The following TOM1L2 variants were observed in gnomAD, a reference collection of about 807,000 sequenced individuals.
The protein encoded by TOM1L2 is TOM1-like protein 2.
TOM1L2 carries 31 observed loss-of-function variants against 67.9 expected under a neutral mutation model. The observed-to-expected ratio is 0.46, with a 90% CI of 0.34 to 0.62. TOM1L2 has a LOEUF of 0.62. TOM1L2 is among the 20% of genes least tolerant of loss of function. The pLI is 0.01. For synonymous variants in TOM1L2, 256 were observed against 254.0 expected (o/e 1.01, Z -0.07); for missense variants, 606 against 663.5 (o/e 0.91, Z 0.95).
At chr17:17,870,658 A>G (rs2143861006) in intron 7 of TOM1L2, among the ~76,000 whole-genome samples, 1 of 152,318 alleles carries the variant, frequency 6.6e-6, no homozygotes. Context: ...TAACTGATTT[A>G]TTCACAGGAG....
At chr17:17,900,049 T>C (rs759620108) in intron 2 of TOM1L2, among the ~76,000 whole-genome samples, 1 of 150,176 alleles carries the variant, frequency 6.7e-6, no homozygotes, top group Non-Finnish European at 1.5e-5. Context: ...CCGTCTTTAC[T>C]GAAATATACA....
chr17:17,906,661 G>T (rs2039112219), intron 2 of TOM1L2, among the ~76,000 whole-genome samples: 1 of 152,180 alleles, frequency 6.6e-6, no homozygotes, highest in Admixed American at 6.5e-5. Context: ...AGTCATTCGA[G>T]AAATATTTGT....
At chr17:17,887,561 C>A (rs961379935) in intron 4 of TOM1L2, among the ~76,000 whole-genome samples, 2 of 152,224 alleles carry the variant, frequency 1.3e-5, no homozygotes, top group African/African-American at 4.8e-5. Context: ...ACTGCAACCT[C>A]TGCCTCCGGG....
intron 4 of TOM1L2, among the ~76,000 whole-genome samples, chr17:17,887,535 G>A (rs546380324): frequency 3.3e-5 from 5 of 152,296 alleles, no homozygotes; most frequent in African/African-American, 1.2e-4. Context: ...GTACAATGGT[G>A]GTGCCATCTC....
chr17:17,859,517 C>T (rs1328201977), intron 12 of TOM1L2: 1 of 152,256 alleles, frequency 6.6e-6, no homozygotes, highest in Admixed American at 6.5e-5. Flanking sequence ...ACACACAGCC[C>T]ACATGCTCTG....
chr17:17,872,474 T>C (rs2037200471), intron 7 of TOM1L2, among the ~76,000 whole-genome samples: 1 of 152,184 alleles, frequency 6.6e-6, no homozygotes, highest in East Asian at 1.9e-4. Flanking sequence ...ACTTGGGCAG[T>C]AGATTTACCC....
chr17:17,911,695 C>T (rs2039357994), intron 1 of TOM1L2, among the ~76,000 whole-genome samples: 2 of 144,386 alleles, frequency 1.4e-5, no homozygotes, highest in African/African-American at 2.6e-5. Flanking sequence ...TTGGGTGTTT[C>T]TCACAGAGGG....
In TOM1L2 at chr17:17,862,808, G is replaced by T; in HGVS notation, c.1125C>A (p.Leu375=). ...AGCCGTCACGGGGATTACATTGCTG[G>T]AGTGAACTGAGGGTGCCACTGACGC... ...TESVSGTLSS[L]QQCNPRDGFD... Residue 375 remains leucine, a synonymous_variant, in exon 11 of 15, where the codon CTC becomes CTA. Coordinates refer to ENST00000379504, the MANE Select transcript of TOM1L2 (RefSeq NM_001082968.2). 6.2e-7 allele frequency: 1 copy of T among 1,614,196 alleles called. No individual in the cohort carries two copies. The highest frequency in any genetic ancestry group is 8.5e-7 in the Non-Finnish European group (1 of 1,180,036).
At chr17:17,854,538 AT>A (rs1165978233) in intron 12 of TOM1L2, among the ~76,000 whole-genome samples, 7 of 151,790 alleles carry the variant, frequency 4.6e-5, no homozygotes, top group African/African-American at 1.7e-4. Context: ...TAATTAATTT[AT>A]TTAGAGACAG....
chr17:17,909,316 A>G (rs899038900), intron 1 of TOM1L2, among the ~76,000 whole-genome samples: 3 of 152,210 alleles, frequency 2.0e-5, no homozygotes, highest in African/African-American at 4.8e-5. Context: ...TCATAGCAGC[A>G]ATAGTCACAA....
At chr17:17,955,865 A>G (rs1598405417) in intron 1 of TOM1L2, among the ~76,000 whole-genome samples, 2 of 152,134 alleles carry the variant, frequency 1.3e-5, no homozygotes, top group South Asian at 4.1e-4. Context: ...CGCTGGCTTC[A>G]AGAGTGAAGC....
chr17:17,968,350 TA>T (rs1244434615), intron 1 of TOM1L2, among the ~76,000 whole-genome samples: 2 of 152,146 alleles, frequency 1.3e-5, no homozygotes, highest in African/African-American at 4.8e-5. Context: ...CCAAAGAGAC[TA>T]AAAGTTGAAG....
intron 14 of TOM1L2, 41 bp downstream of exon 14, chr17:17,848,782 G>A: frequency 6.2e-7 from 1 of 1,611,428 alleles, no homozygotes. Context: ...CCTGCACAGA[G>A]GCAACAAAAG....
At chr17:17,926,933 G>A (rs1247423717) in intron 1 of TOM1L2, among the ~76,000 whole-genome samples, 2 of 152,164 alleles carry the variant, frequency 1.3e-5, no homozygotes. Flanking sequence ...ACACAAGCAT[G>A]TATTCCTGTT....
In TOM1L2 at chr17:17,846,979, G is replaced by A. The variant is rs1026498616; in HGVS notation, c.*656C>T. The A allele has an allele frequency of 3.3e-5, 5 of 152,632 alleles. No individual in the cohort carries two copies. The highest frequency in any genetic ancestry group is 9.6e-5 in the African/African-American group (4 of 41,586). The allele number at this position is 152,632 out of a possible 1,614,324, so 9.5% of individuals were successfully genotyped here. A position where few individuals can be genotyped will look rare whatever the true frequency, so the allele number is the denominator to read the frequency against. ...CCCAGGGAGCCTGCAGGGACCCTCG[G>A]TGCCAGGCTCGGCTGCTGAGCCAGC... is the stretch of plus-strand genomic sequence containing the variant. On this transcript the variant is annotated 3_prime_UTR_variant, in exon 15 of 15. Transcript: ENST00000379504.
At chr17:17,886,305 G>T (rs1024641521) in intron 4 of TOM1L2, among the ~76,000 whole-genome samples, 1 of 152,248 alleles carries the variant, frequency 6.6e-6, no homozygotes, top group African/African-American at 2.4e-5. Flanking sequence ...TATTTAATTT[G>T]CATGCTCAGG....
chr17:17,879,237 C>A (rs572158808), intron 7 of TOM1L2, among the ~76,000 whole-genome samples: 1 of 152,298 alleles, frequency 6.6e-6, no homozygotes, highest in South Asian at 2.1e-4. Flanking sequence ...AGAAATAGTA[C>A]AAGCTCAACT....
At chr17:17,953,084 G>A (rs946531154) in intron 1 of TOM1L2, among the ~76,000 whole-genome samples, 4 of 152,028 alleles carry the variant, frequency 2.6e-5, no homozygotes, top group East Asian at 1.9e-4. Context: ...GTTTGAGACC[G>A]CCTGGCCAAC....
At chr17:17,868,541 C>CT (rs1351255902) in intron 8 of TOM1L2, among the ~76,000 whole-genome samples, 1 of 152,214 alleles carries the variant, frequency 6.6e-6, no homozygotes, top group African/African-American at 2.4e-5. Context: ...CAAGCCTCAT[C>CT]TTTAAGGGGA....
Sources: gnomAD v4.1 joint callset for allele counts (sites outside exome capture counted in the v4.1 genomes callset) on GRCh38, gnomAD v4.1.1 for gene constraint, MANE v1.5 for transcripts, NCBI Gene and HGNC (gene_info 2026-07-23, HGNC 2026-07-21) for gene names.